GNAI3: variants seen among roughly 807,000 people sequenced by gnomAD.
The protein encoded by GNAI3 is guanine nucleotide-binding protein G(i) subunit alpha-3.
In GNAI3, 12 loss-of-function variants were observed where a neutral mutation model predicts 41.8. The observed-to-expected ratio is 0.29, with a 90% CI of 0.18 to 0.47. The LOEUF (loss-of-function observed/expected upper bound fraction) is 0.47. Ranked by LOEUF, GNAI3 falls within the 20% of genes least tolerant of loss-of-function variation. The probability of loss-of-function intolerance (pLI) is 1.00; values close to 1 mark genes in which losing one functional copy is unlikely to be tolerated. For synonymous variants in GNAI3, 132 were observed against 146.5 expected (o/e 0.90, Z 0.71); for missense variants, 360 against 429.6 (o/e 0.84, Z 1.43).
intron 1 of GNAI3, among the ~76,000 whole-genome samples, chr1:109,556,445 G>A (rs980538981): frequency 4.6e-5 from 7 of 152,114 alleles, no homozygotes; most frequent in South Asian, 4.1e-4. Context: ...TTCAAAACGC[G>A]GAAGAAAAAA....
At chr1:109,578,591 A>G (rs2101104586) in intron 3 of GNAI3, among the ~76,000 whole-genome samples, 1 of 150,880 alleles carries the variant, frequency 6.6e-6, no homozygotes, top group East Asian at 1.9e-4. Context: ...CATTATTATT[A>G]TTCCTTATTC....
chr1:109,571,940 T>G (rs1321227199), intron 1 of GNAI3, among the ~76,000 whole-genome samples: 1 of 151,452 alleles, frequency 6.6e-6, no homozygotes, highest in Non-Finnish European at 1.5e-5. Context: ...ACCATGAGAT[T>G]AGATAACTTA....
intron 5 of GNAI3, among the ~76,000 whole-genome samples, chr1:109,582,811 C>A (rs1648928933): frequency 6.6e-6 from 1 of 152,092 alleles, no homozygotes; most frequent in Admixed American, 6.6e-5. Flanking sequence ...AACTTGCCTC[C>A]CAGTAAAATT....
In GNAI3 at chr1:109,573,948, G is replaced by A; in HGVS notation, c.214G>A (p.Val72Ile). Residue 72 changes from valine to isoleucine, a missense_variant, in exon 3 of 9, where the codon GTT (valine) becomes ATT (isoleucine). Coordinates refer to ENST00000369851, the MANE Select transcript of GNAI3 (RefSeq NM_006496.4). ...GGATGAATGTAAACAATATAAAGTA[G>A]TTGTCTACAGCAATACTATACAGTC... Reference protein sequence around the residue: ...SEDECKQYKVVVYSNTIQSII... With the variant: ...SEDECKQYKVIVYSNTIQSII... 3.1e-6 allele frequency: 5 copies of A among 1,602,158 alleles called. No individual in the cohort carries two copies. The highest frequency in any genetic ancestry group is 3.4e-6 in the Non-Finnish European group (4 of 1,169,280).
In GNAI3 at chr1:109,598,771, C is replaced by T; in HGVS notation, c.*6449C>T. On this transcript the variant is annotated 3_prime_UTR_variant, in exon 9 of 9. Transcript: ENST00000369851. Reference sequence around the variant, plus strand: ...ACAGAAAAGTTCCCTTCTGCAGTCTCCAGTGTCTTCTGACCTCACAGAAAT... The same window carrying T: ...ACAGAAAAGTTCCCTTCTGCAGTCTTCAGTGTCTTCTGACCTCACAGAAAT... 1 of 440,870 alleles carries T rather than the reference C, an allele frequency of 2.3e-6. No individual in the cohort carries two copies. The highest frequency in any genetic ancestry group is 4.9e-6 in the Non-Finnish European group (1 of 202,046). 27.3% of individuals were successfully genotyped at this position (440,870 alleles called of 1,614,324 possible).
At chr1:109,559,935 C>T (rs1250839739) in intron 1 of GNAI3, among the ~76,000 whole-genome samples, 2 of 152,074 alleles carry the variant, frequency 1.3e-5, no homozygotes, top group Non-Finnish European at 2.9e-5. Context: ...GTGAAATATC[C>T]GATTTTTCAT....
At chr1:109,584,071 T>C (rs1413236993) in intron 5 of GNAI3, among the ~76,000 whole-genome samples, 23 of 152,228 alleles carry the variant, frequency 1.5e-4, no homozygotes, top group Admixed American at 1.5e-3. Context: ...ATATGTAGAA[T>C]GTGATGTTTG....
chr1:109,558,312 AC>A (rs1185750656), intron 1 of GNAI3, among the ~76,000 whole-genome samples: 1 of 152,028 alleles, frequency 6.6e-6, no homozygotes, highest in Non-Finnish European at 1.5e-5. Context: ...AATCCCAGCT[AC>A]TTGGGAGGCT....
intron 2 of GNAI3, 47 bp from the exon 3 acceptor site, chr1:109,573,849 T>G (rs1180395297): frequency 6.2e-7 from 1 of 1,602,360 alleles, no homozygotes; most frequent in Non-Finnish European, 8.5e-7. Context: ...TAGTATCTTT[T>G]CATTTTAGGT....
intron 1 of GNAI3, among the ~76,000 whole-genome samples, chr1:109,570,561 T>C (rs1648566806): frequency 6.6e-6 from 1 of 152,126 alleles, no homozygotes; most frequent in South Asian, 2.1e-4. Context: ...GTGGGAGCTA[T>C]TTAGATAGAT....
At chr1:109,557,288 T>C (rs556036417) in intron 1 of GNAI3, among the ~76,000 whole-genome samples, 22 of 152,280 alleles carry the variant, frequency 1.4e-4, no homozygotes, top group African/African-American at 5.3e-4. Flanking sequence ...TCCTCTATTT[T>C]TGAAACCTCA....
Position 109,592,069 on chromosome 1 carries a change from G to T in GNAI3, c.901G>T (p.Ala301Ser). The change falls in exon 8 of 9, where the codon GCC (alanine) becomes TCC (serine). Residue 301 changes from alanine to serine, a missense_variant. Ala to Ser is a moderately conservative substitution (Grantham distance 99). Coordinates refer to ENST00000369851, the MANE Select transcript of GNAI3 (RefSeq NM_006496.4). ...TTCCAATACATATGAAGAGGCAGCT[G>T]CCTATATTCAATGCCAGTTTGAAGA... is the stretch of plus-strand genomic sequence containing the variant. ...TGSNTYEEAAAYIQCQFEDLN... is the reference protein window; with the variant it reads ...TGSNTYEEAASYIQCQFEDLN... 1 of 1,612,246 alleles carries T rather than the reference G, an allele frequency of 6.2e-7. No homozygotes were observed. The highest frequency in any genetic ancestry group is 8.5e-7 in the Non-Finnish European group (1 of 1,178,582).
chr1:109,599,076 T>C lies in GNAI3; in HGVS notation c.*6754T>C. 2 of 360,540 alleles carry C rather than the reference T, an allele frequency of 5.5e-6. No homozygotes were observed. The highest frequency in any genetic ancestry group is 1.3e-5 in the Non-Finnish European group (2 of 155,206). The allele number at this position is 360,540 out of a possible 1,614,324, so 22.3% of individuals were successfully genotyped here. A position where few individuals can be genotyped will look rare whatever the true frequency, so the allele number is the denominator to read the frequency against. On this transcript the variant is annotated 3_prime_UTR_variant, in exon 9 of 9. Coordinates refer to ENST00000369851, the MANE Select transcript of GNAI3 (RefSeq NM_006496.4). Reference sequence around the variant, plus strand: ...TACTCTGTTTTGGACTATTTGGAGGTACATGTGAGTGGATTTTATTACCAG... The same window carrying C: ...TACTCTGTTTTGGACTATTTGGAGGCACATGTGAGTGGATTTTATTACCAG...
chr1:109,562,501 G>T (rs1013141139), intron 1 of GNAI3, among the ~76,000 whole-genome samples: 1 of 151,618 alleles, frequency 6.6e-6, no homozygotes, highest in Admixed American at 6.6e-5. Context: ...CTGCCTTTTT[G>T]TTTTTTTTGC....
chr1:109,594,523 C>T lies in GNAI3; in HGVS notation c.*2201C>T, dbSNP rs1649248169. 1 of 152,110 alleles carries T rather than the reference C, an allele frequency of 6.6e-6. No individual in the cohort carries two copies. Among genetic ancestry groups the T allele is most frequent in the African/African-American group, 2.4e-5 (1 of 41,408 alleles). 9.4% of individuals were successfully genotyped at this position (152,110 alleles called of 1,614,324 possible). ...TATTTCACCATCCCAAATAACTTAT[C>T]TAAATGCACATTCCTTGAGGACACA... On this transcript the variant is annotated 3_prime_UTR_variant, in exon 9 of 9. Transcript: ENST00000369851.
At position 109,568,688 on chromosome 1, in the gene GNAI3, C is replaced by G. The variant is rs192407844; in HGVS notation, c.119-5049C>G. Among the ~76,000 whole-genome samples, 24 of 152,064 alleles carry G rather than the reference C, an allele frequency of 1.6e-4. No homozygotes were observed. In the South Asian group the frequency reaches 2.1e-3, roughly 13 times the overall value. On this transcript the variant is annotated intron_variant, in intron 1 of 8. Coordinates refer to ENST00000369851, the MANE Select transcript of GNAI3 (RefSeq NM_006496.4). Reference sequence around the variant, plus strand: ...ACTGTAGATAAACACAGATGATTTTCTTTTTCTTTTTGCCAGAACAAGGTC... The same window carrying G: ...ACTGTAGATAAACACAGATGATTTTGTTTTTCTTTTTGCCAGAACAAGGTC...
intron 1 of GNAI3, among the ~76,000 whole-genome samples, chr1:109,556,372 C>A (rs1307812349): frequency 6.6e-6 from 1 of 151,996 alleles, no homozygotes; most frequent in African/African-American, 2.4e-5. Flanking sequence ...CATCTGTAAC[C>A]AGGAAAAAAC....
At chr1:109,565,803 T>C (rs1299703494) in intron 1 of GNAI3, among the ~76,000 whole-genome samples, 3 of 152,172 alleles carry the variant, frequency 2.0e-5, no homozygotes, top group African/African-American at 4.8e-5. Context: ...CAAGTACTAA[T>C]GTAACAGTGT....
Position 109,586,340 on chromosome 1 carries a change from G to GA in GNAI3, c.716dup (p.Met240AspfsTer6), listed in dbSNP as rs1649031458. The GA allele has an allele frequency of 6.2e-7, 1 of 1,611,710 alleles. No individual in the cohort carries two copies. Among genetic ancestry groups the GA allele is most frequent in the Non-Finnish European group, 8.5e-7 (1 of 1,178,906 alleles). ...TGACCTTGTTCTGGCTGAGGACGAG[G>GA]AGATGGTATGTTGGAGCTTCTGGTA... On this transcript the variant is annotated frameshift_variant, in exon 6 of 9. Coordinates refer to ENST00000369851, the MANE Select transcript of GNAI3 (RefSeq NM_006496.4). LOFTEE classifies it high-confidence loss of function.
Sources: allele counts gnomAD v4.1 joint callset (sites outside exome capture counted in the v4.1 genomes callset), GRCh38; gene constraint gnomAD v4.1.1; transcripts MANE v1.5; gene names NCBI Gene and HGNC (gene_info 2026-07-23, HGNC 2026-07-21).